The following NAA16 variants were observed in gnomAD, a reference collection of about 807,000 sequenced individuals.
NAA16 encodes the protein N-alpha-acetyltransferase 16, NatA auxiliary subunit, also known as NARG1-like protein.
Under a neutral mutation model 110.3 loss-of-function variants are expected in NAA16, and 97 were observed. The observed-to-expected ratio is 0.88, with a 90% CI of 0.75 to 1.04. The LOEUF is 1.04. Ranked by LOEUF, NAA16 falls within the 50% of genes least tolerant of loss-of-function variation. The pLI, the probability that NAA16 is intolerant of heterozygous loss-of-function variation, is 0.00. For missense variants in NAA16, 1,017 were observed against 1,005.1 expected (o/e 1.01, Z -0.16); for synonymous variants, 372 against 330.6 (o/e 1.13, Z -1.36).
At chr13:41,350,599 TTTTTTTTG>T (rs1253613119) in intron 9 of NAA16, among the ~76,000 whole-genome samples, 1 of 18,604 alleles carries the variant, frequency 5.4e-5, no homozygotes, top group Non-Finnish European at 8.9e-5. Flanking sequence ...CCCTGCCAGT[TTTTTTTTG>T]TTTTTTTTTT....
At chr13:41,313,188 T>C (rs1049358234) in intron 1 of NAA16, among the ~76,000 whole-genome samples, 6 of 152,064 alleles carry the variant, frequency 3.9e-5, no homozygotes, top group Non-Finnish European at 8.8e-5. Context: ...AAAGGTAGGG[T>C]TTATCCCCAA....
intron 4 of NAA16, 148 bp from the exon 5 acceptor site, chr13:41,322,908 G>A: frequency 1.3e-6 from 1 of 749,146 alleles, no homozygotes; most frequent in Non-Finnish European, 2.2e-6. Flanking sequence ...ATTTTAGGTA[G>A]GAAACATAAA....
chr13:41,361,158 C>G (rs183563457), intron 12 of NAA16, among the ~76,000 whole-genome samples: 1 of 152,116 alleles, frequency 6.6e-6, no homozygotes, highest in Non-Finnish European at 1.5e-5. Flanking sequence ...ACTTAAAATT[C>G]GTTAATTTAT....
chr13:41,336,562 T>C (rs2042386747), intron 8 of NAA16, 88 bp from the exon 9 acceptor site: 2 of 793,406 alleles, frequency 2.5e-6, no homozygotes, highest in African/African-American at 3.5e-5. Flanking sequence ...CATAATTGCT[T>C]CTGAGGGAGC....
intron 9 of NAA16, among the ~76,000 whole-genome samples, chr13:41,349,518 T>C (rs1391459221): frequency 6.6e-6 from 1 of 151,936 alleles, no homozygotes; most frequent in African/African-American, 2.4e-5. Context: ...ATGTGTTACA[T>C]ATGTTTGTCT....
intron 4 of NAA16, 53 bp from the exon 5 acceptor site, chr13:41,323,003 C>T: frequency 6.7e-7 from 1 of 1,503,064 alleles, no homozygotes; most frequent in Non-Finnish European, 9.2e-7. Context: ...TTTCTTAAAA[C>T]TGATGAAATA....
intron 6 of NAA16, among the ~76,000 whole-genome samples, chr13:41,326,726 A>G (rs1437172253): frequency 6.6e-6 from 1 of 152,150 alleles, no homozygotes; most frequent in Non-Finnish European, 1.5e-5. Context: ...TCTAAAAAAT[A>G]GACATTTTCA....
rs551852444 is a variant in NAA16, at chr13:41,342,143, C to CT, written c.1014+5399dup. Among the ~76,000 whole-genome samples the CT allele has an allele frequency of 1.7e-3, 198 of 119,598 alleles. 2 individuals carry two copies. Among genetic ancestry groups the CT allele is most frequent in the East Asian group, 0.011 (45 of 3,986 alleles). The allele number at this position is 119,598 out of a possible 152,430, so 78.5% of individuals were successfully genotyped here. A position where few individuals can be genotyped will look rare whatever the true frequency, so the allele number is the denominator to read the frequency against. ...CACCGCACCGGGCCTCTCTCTCTCT[C>CT]TTTTTTTTTTTTGAGACAGAGTCTT... On this transcript the variant is annotated intron_variant, in intron 9 of 19. Transcript: ENST00000379406.
chr13:41,368,491 G>A (rs1309350803), intron 14 of NAA16, among the ~76,000 whole-genome samples: 1 of 152,110 alleles, frequency 6.6e-6, no homozygotes, highest in African/African-American at 2.4e-5. Flanking sequence ...AACATTTACT[G>A]GCTGTCCTTT....
chr13:41,367,293 T>G, intron 13 of NAA16, 146 bp from the exon 14 acceptor site: 1 of 551,422 alleles, frequency 1.8e-6, no homozygotes, highest in Non-Finnish European at 3.2e-6. Context: ...TTCATATCCT[T>G]TATAGTGTAA....
chr13:41,344,638 A>AGGGCTGT (rs1284740681), intron 9 of NAA16, among the ~76,000 whole-genome samples: 1 of 152,224 alleles, frequency 6.6e-6, no homozygotes, highest in Non-Finnish European at 1.5e-5. Flanking sequence ...TTTGTAATGT[A>AGGGCTGT]GGGCTGTCCT....
intron 9 of NAA16, among the ~76,000 whole-genome samples, chr13:41,350,618 TTGTTTG>T (rs1200832244): frequency 8.3e-5 from 9 of 107,820 alleles, no homozygotes; most frequent in South Asian, 2.6e-4. Flanking sequence ...TTTTTTTTTT[TTGTTTG>T]TTTGTTTTTT....
intron 3 of NAA16, among the ~76,000 whole-genome samples, chr13:41,320,052 G>A (rs987735713): frequency 1.3e-5 from 2 of 152,012 alleles, no homozygotes; most frequent in African/African-American, 4.8e-5. Context: ...CTTTATCCCA[G>A]TGCTTACCCC....
intron 10 of NAA16, among the ~76,000 whole-genome samples, chr13:41,357,732 T>C (rs1358554323): frequency 6.6e-6 from 1 of 152,170 alleles, no homozygotes; most frequent in Non-Finnish European, 1.5e-5. Context: ...CAGGTAAGTG[T>C]ATATATGTGA....
chr13:41,333,571 T>C (rs1301840307), intron 8 of NAA16, among the ~76,000 whole-genome samples: 3 of 152,172 alleles, frequency 2.0e-5, no homozygotes, highest in Non-Finnish European at 4.4e-5. Context: ...GGTCTCAAGG[T>C]ATATTTTGTG....
rs977065298 is a variant in NAA16, at chr13:41,376,677, A to G, written c.*1075A>G. On this transcript the variant is annotated 3_prime_UTR_variant, in exon 20 of 20. Transcript: ENST00000379406. The stretch of plus-strand genomic sequence containing the variant: ...TTGTTGTTATAGCCATGCATTGACC[A>G]TTAAATGCATTTTAATATCTCGGCA... The G allele has an allele frequency of 1.3e-5, 2 of 152,248 alleles. No homozygotes were observed. Among genetic ancestry groups the G allele is most frequent in the African/African-American group, 2.4e-5 (1 of 41,464 alleles). The allele number at this position is 152,248 out of a possible 1,614,324, so 9.4% of individuals were successfully genotyped here. A position where few individuals can be genotyped will look rare whatever the true frequency, so the allele number is the denominator to read the frequency against.
chr13:41,321,749 G>C (rs2041952009), intron 4 of NAA16, among the ~76,000 whole-genome samples: 1 of 120,196 alleles, frequency 8.3e-6, no homozygotes, highest in Non-Finnish European at 1.7e-5. Context: ...CCTAGAATCA[G>C]TATGTCCAAC....
chr13:41,319,532 G>A (rs182198229), intron 3 of NAA16, among the ~76,000 whole-genome samples: 5 of 151,196 alleles, frequency 3.3e-5, no homozygotes, highest in Admixed American at 6.6e-5. Flanking sequence ...TTTGTTTTTT[G>A]GGGGGAGGGA....
chr13:41,367,833 T>C (rs1285173013), intron 14 of NAA16, among the ~76,000 whole-genome samples, 181 bp downstream of exon 14: 4 of 152,184 alleles, frequency 2.6e-5, no homozygotes, highest in African/African-American at 9.7e-5. Flanking sequence ...TGGGATGATA[T>C]TCTGTAGCTG....
Sources: allele counts gnomAD v4.1 joint callset (sites outside exome capture counted in the v4.1 genomes callset), GRCh38; gene constraint gnomAD v4.1.1; transcripts MANE v1.5; gene names NCBI Gene and HGNC (gene_info 2026-07-23, HGNC 2026-07-21).